The following DCP1A variants were observed in gnomAD, a reference collection of about 807,000 sequenced individuals.
DCP1A encodes the protein mRNA-decapping enzyme 1A.
DCP1A carries 20 observed loss-of-function variants against 58.0 expected under a neutral mutation model. The ratio of observed to expected loss-of-function variants is 0.34; its 90% confidence interval spans 0.24 to 0.50. DCP1A has a LOEUF of 0.50. Ranked by LOEUF, DCP1A falls within the 20% of genes least tolerant of loss-of-function variation. The pLI, the probability that DCP1A is intolerant of heterozygous loss-of-function variation, is 0.98. For synonymous variants in DCP1A, 285 were observed against 275.1 expected (o/e 1.04, Z -0.36); for missense variants, 613 against 712.2 (o/e 0.86, Z 1.59).
rs180846580 is a variant in DCP1A at position 53,336,626 on chromosome 3, C to T, written c.304+5518G>A. 1.5e-3 allele frequency among the ~76,000 whole-genome samples: 222 copies of T among 152,218 alleles called. 2 individuals carry two copies. Among genetic ancestry groups the T allele is most frequent in the Admixed American group, 0.011 (173 of 15,290 alleles). Reference sequence around the variant, plus strand: ...AGACATGCCTGATATTCCTGGGCAACCTGGCTGGGCTAAGAATGTATCTTG... The same window carrying T: ...AGACATGCCTGATATTCCTGGGCAATCTGGCTGGGCTAAGAATGTATCTTG... On this transcript the variant is annotated intron_variant, in intron 3 of 9. Transcript: ENST00000610213.
At chr3:53,295,499 T>C (rs1054205894) in intron 6 of DCP1A, among the ~76,000 whole-genome samples, 2 of 152,234 alleles carry the variant, frequency 1.3e-5, no homozygotes, top group East Asian at 3.8e-4. Flanking sequence ...GTTTAGGGTC[T>C]GAAATAAAAG....
intron 8 of DCP1A, chr3:53,290,504 G>T: frequency 1.8e-6 from 1 of 569,368 alleles, no homozygotes; most frequent in Non-Finnish European, 3.1e-6. Context: ...GGACGGGGTG[G>T]GAGAGGACCT....
intron 3 of DCP1A, among the ~76,000 whole-genome samples, chr3:53,335,056 T>C (rs1418883174): frequency 6.6e-6 from 1 of 151,986 alleles, no homozygotes; most frequent in African/African-American, 2.4e-5. Flanking sequence ...CTTCTGTCTC[T>C]GCCTTTGACA....
At chr3:53,309,794 C>A (rs1160016214) in intron 5 of DCP1A, among the ~76,000 whole-genome samples, 2 of 152,172 alleles carry the variant, frequency 1.3e-5, no homozygotes, top group Non-Finnish European at 2.9e-5. Context: ...ATTACAAGTG[C>A]TCATTCAAAA....
At chr3:53,334,701 G>A (rs1337143305) in intron 3 of DCP1A, among the ~76,000 whole-genome samples, 1 of 152,064 alleles carries the variant, frequency 6.6e-6, no homozygotes, top group Non-Finnish European at 1.5e-5. Flanking sequence ...AATTAATCAT[G>A]TTATACTGTG....
chr3:53,292,191 AGCTGGCTAC>A lies in DCP1A; in HGVS notation c.1252_1260del (p.Val418_Ser420del). 6.2e-7 allele frequency: 1 copy of A among 1,613,992 alleles called. No homozygotes were observed. The highest frequency in any genetic ancestry group is 8.5e-7 in the Non-Finnish European group (1 of 1,179,896). On this transcript the variant is annotated inframe_deletion, in exon 7 of 10. Coordinates refer to ENST00000610213, the MANE Select transcript of DCP1A (RefSeq NM_018403.7). ...GCTAGCTGACCAGCTGCCGGAGAAAAGCTGGCTACCATTGCACCTTTCCCAAGTGGTTGT... is the reference window on the plus strand; with the variant it reads ...GCTAGCTGACCAGCTGCCGGAGAAAACATTGCACCTTTCCCAAGTGGTTGT...
intron 4 of DCP1A, among the ~76,000 whole-genome samples, chr3:53,316,321 C>G (rs1323870233): frequency 6.6e-6 from 1 of 152,158 alleles, no homozygotes; most frequent in Non-Finnish European, 1.5e-5. Context: ...TTTTGGTGAC[C>G]AGAGAGGCAT....
At chr3:53,307,637 G>C (rs2106826961) in intron 5 of DCP1A, among the ~76,000 whole-genome samples, 1 of 152,262 alleles carries the variant, frequency 6.6e-6, no homozygotes, top group African/African-American at 2.4e-5. Context: ...TTTTGTGTTT[G>C]TTAATAACAG....
chr3:53,312,904 G>C (rs1348394360), intron 4 of DCP1A, among the ~76,000 whole-genome samples: 3 of 152,084 alleles, frequency 2.0e-5, no homozygotes, highest in African/African-American at 7.2e-5. Flanking sequence ...CCTTCAGAAG[G>C]ATAAAAATAC....
At chr3:53,321,589 C>A (rs1421524761) in intron 3 of DCP1A, among the ~76,000 whole-genome samples, 5 of 152,088 alleles carry the variant, frequency 3.3e-5, no homozygotes, top group Non-Finnish European at 7.4e-5. Flanking sequence ...CATGGTAGCG[C>A]ATGCCCGTAA....
chr3:53,329,395 A>C, intron 3 of DCP1A: 1 of 398,622 alleles, frequency 2.5e-6, no homozygotes, highest in East Asian at 3.6e-5. Context: ...ATAAAGGAAA[A>C]GTGATAAGTG....
At chr3:53,338,827 C>T (rs57561562) in intron 3 of DCP1A, among the ~76,000 whole-genome samples, 3 of 146,324 alleles carry the variant, frequency 2.1e-5, no homozygotes, top group Non-Finnish European at 4.5e-5. Context: ...TGCCACTGCA[C>T]TCCAGCCTGG....
chr3:53,300,927 TG>T lies in DCP1A; in HGVS notation c.624+3249del, dbSNP rs1221252759. Among the ~76,000 whole-genome samples, 3 of 152,138 alleles carry T rather than the reference TG, an allele frequency of 2.0e-5. No individual in the cohort carries two copies. The East Asian group carries it at 5.8e-4, about 29-fold the overall frequency. Reference sequence around the variant, plus strand: ...CTTCCCAAAGTCCCGAGATTACAGGTGTGAGTCACCATGCCTGACCTTATAA... The same window carrying T: ...CTTCCCAAAGTCCCGAGATTACAGGTTGAGTCACCATGCCTGACCTTATAA... On this transcript the variant is annotated intron_variant, in intron 6 of 9. Transcript: ENST00000610213.
chr3:53,297,791 T>C (rs782296973), intron 6 of DCP1A, among the ~76,000 whole-genome samples: 8 of 152,204 alleles, frequency 5.3e-5, no homozygotes, highest in Non-Finnish European at 1.0e-4. Flanking sequence ...GGGTCTATGT[T>C]GCAGAAATTT....
intron 6 of DCP1A, among the ~76,000 whole-genome samples, chr3:53,299,321 C>T (rs891278131): frequency 1.3e-5 from 2 of 152,182 alleles, no homozygotes; most frequent in Non-Finnish European, 2.9e-5. Context: ...AAATGTTATT[C>T]TTTCCTCATG....
rs35716152 is a variant in DCP1A at position 53,287,342 on chromosome 3, CTTTTT to C, written c.*233_*237del. 5.3e-4 allele frequency: 89 copies of C among 166,732 alleles called. No individual in the cohort carries two copies. Among genetic ancestry groups the C allele is most frequent in the South Asian group, 1.1e-3 (12 of 11,336 alleles). The allele number at this position is 166,732 out of a possible 1,614,324, so 10.3% of individuals were successfully genotyped here. A position where few individuals can be genotyped will look rare whatever the true frequency, so the allele number is the denominator to read the frequency against. On this transcript the variant is annotated 3_prime_UTR_variant, in exon 10 of 10. Coordinates refer to ENST00000610213, the MANE Select transcript of DCP1A (RefSeq NM_018403.7). Reference sequence around the variant, plus strand: ...CATAACTTAACACAATGATCGCTCTCTTTTTTTTTTTTTTTTTTTTTTTTTTTGTC... The same window carrying C: ...CATAACTTAACACAATGATCGCTCTCTTTTTTTTTTTTTTTTTTTTTTGTC...
chr3:53,319,139 C>T (rs1707891588), intron 4 of DCP1A, among the ~76,000 whole-genome samples: 3 of 152,202 alleles, frequency 2.0e-5, no homozygotes, highest in East Asian at 1.9e-4. Flanking sequence ...CAGTAGGATC[C>T]TATTTTTGTA....
At chr3:53,293,930 C>A (rs1707020685) in intron 6 of DCP1A, among the ~76,000 whole-genome samples, 1 of 152,064 alleles carries the variant, frequency 6.6e-6, no homozygotes, top group Non-Finnish European at 1.5e-5. Context: ...CCCACCGGAC[C>A]CCCGCACACA....
chr3:53,331,904 G>A (rs1164010604), intron 3 of DCP1A, among the ~76,000 whole-genome samples: 4 of 152,244 alleles, frequency 2.6e-5, no homozygotes, highest in Non-Finnish European at 4.4e-5. Context: ...ACTCGGTGAG[G>A]TGTGCTGCTT....
Sources: allele counts gnomAD v4.1 joint callset (sites outside exome capture counted in the v4.1 genomes callset), GRCh38; gene constraint gnomAD v4.1.1; transcripts MANE v1.5; gene names NCBI Gene and HGNC (gene_info 2026-07-23, HGNC 2026-07-21).